The following KCNQ5 variants were observed in gnomAD, a reference collection of about 807,000 sequenced individuals.
KCNQ5 encodes potassium voltage-gated channel subfamily Q member 5.
KCNQ5 carries 30 observed loss-of-function variants against 98.2 expected under a neutral mutation model. That is an observed-to-expected ratio of 0.31 (90% CI 0.23 to 0.41). KCNQ5 has a LOEUF of 0.41. KCNQ5 is among the 10% of genes least tolerant of loss of function. KCNQ5 has a pLI of 1.00. For missense variants in KCNQ5, 835 were observed against 1,182.5 expected (o/e 0.71, Z 4.31); for synonymous variants, 458 against 449.4 (o/e 1.02, Z -0.24).
intron 1 of KCNQ5, among the ~76,000 whole-genome samples, chr6:72,840,466 A>G (rs1175614506): frequency 6.6e-6 from 1 of 152,142 alleles, no homozygotes; most frequent in Non-Finnish European, 1.5e-5. Flanking sequence ...GAAGTTCCCC[A>G]GCTCACTCTC....
intron 3 of KCNQ5, among the ~76,000 whole-genome samples, chr6:73,044,601 A>C (rs1397878972): frequency 2.0e-5 from 3 of 152,240 alleles, no homozygotes; most frequent in African/African-American, 7.2e-5. Flanking sequence ...GGAATCAAAC[A>C]TCACCTTCCT....
intron 1 of KCNQ5, among the ~76,000 whole-genome samples, chr6:72,783,348 C>T (rs4315976): frequency 6.6e-6 from 1 of 152,078 alleles, no homozygotes; most frequent in East Asian, 1.9e-4. Flanking sequence ...CCTACATTTG[C>T]GTGTATATAC....
At chr6:73,191,693 T>C (rs1228912884) in intron 12 of KCNQ5, among the ~76,000 whole-genome samples, 3 of 152,130 alleles carry the variant, frequency 2.0e-5, no homozygotes, top group Non-Finnish European at 4.4e-5. Context: ...AGCAGGTAAT[T>C]ATTGAGCCCA....
intron 1 of KCNQ5, among the ~76,000 whole-genome samples, chr6:72,698,485 G>T (rs778649457): frequency 9.9e-5 from 15 of 152,094 alleles, no homozygotes; most frequent in African/African-American, 3.6e-4. Context: ...TTACAGGTGT[G>T]AGCCACCGCA....
chr6:73,157,458 C>T, intron 10 of KCNQ5: 1 of 682,510 alleles, frequency 1.5e-6, no homozygotes, highest in Non-Finnish European at 2.7e-6. Context: ...GCTCAGGGCG[C>T]CTGTCCCGGC....
At chr6:72,818,660 T>C (rs902313599) in intron 1 of KCNQ5, among the ~76,000 whole-genome samples, 7 of 151,538 alleles carry the variant, frequency 4.6e-5, no homozygotes, top group Non-Finnish European at 8.8e-5. Flanking sequence ...TTATTAACCC[T>C]TGTGTTAACA....
intron 1 of KCNQ5, among the ~76,000 whole-genome samples, chr6:72,912,366 T>C (rs926653178): frequency 1.7e-4 from 26 of 152,224 alleles, no homozygotes; most frequent in African/African-American, 6.3e-4. Flanking sequence ...CACTAGAGAA[T>C]AAAGCTTTTC....
At chr6:73,025,623 C>CAAAAAAAAAAAAAAAAAAAAAAA (rs58607159) in intron 2 of KCNQ5, among the ~76,000 whole-genome samples, 21 of 53,012 alleles carry the variant, frequency 4.0e-4, no homozygotes, top group Middle Eastern at 9.6e-3. Context: ...AACTCCATCT[C>CAAAAAAAAAAAAAAAAAAAAAAA]AAAAAAAAAA....
chr6:72,925,134 A>G (rs910505405), intron 1 of KCNQ5, among the ~76,000 whole-genome samples: 7 of 152,188 alleles, frequency 4.6e-5, no homozygotes, highest in Non-Finnish European at 7.3e-5. Flanking sequence ...AATAAAGGGA[A>G]TAATTGAGTG....
intron 1 of KCNQ5, among the ~76,000 whole-genome samples, chr6:72,919,874 A>G (rs1780315065): frequency 6.6e-6 from 1 of 152,074 alleles, no homozygotes; most frequent in African/African-American, 2.4e-5. Flanking sequence ...AATTTACTCC[A>G]CTTAGAGTTT....
At chr6:72,718,586 G>T (rs1407688480) in intron 1 of KCNQ5, among the ~76,000 whole-genome samples, 1 of 151,540 alleles carries the variant, frequency 6.6e-6, no homozygotes, top group African/African-American at 2.4e-5. Context: ...GAGTAGCTGG[G>T]ACTACAGGTA....
intron 1 of KCNQ5, among the ~76,000 whole-genome samples, chr6:72,947,817 G>A (rs746134072): frequency 2.0e-5 from 3 of 152,050 alleles, no homozygotes; most frequent in Non-Finnish European, 4.4e-5. Flanking sequence ...TATCTATTTG[G>A]AAAGTTATAC....
intron 1 of KCNQ5, among the ~76,000 whole-genome samples, chr6:72,646,787 A>G (rs556640182): frequency 6.6e-6 from 1 of 152,228 alleles, no homozygotes; most frequent in Non-Finnish European, 1.5e-5. Context: ...CATCTCATTT[A>G]CAAATCACCA....
chr6:72,838,553 A>G (rs1776618068), intron 1 of KCNQ5, among the ~76,000 whole-genome samples: 1 of 152,238 alleles, frequency 6.6e-6, no homozygotes, highest in Non-Finnish European at 1.5e-5. Flanking sequence ...TAAAATAGTT[A>G]CAGACCACAA....
intron 11 of KCNQ5, among the ~76,000 whole-genome samples, chr6:73,172,115 A>G (rs1212399638): frequency 6.6e-6 from 1 of 152,148 alleles, no homozygotes. Context: ...CTTATTTTTA[A>G]TGGAACTTTA....
chr6:72,798,384 G>T (rs1289119157), intron 1 of KCNQ5, among the ~76,000 whole-genome samples: 1 of 152,170 alleles, frequency 6.6e-6, no homozygotes, highest in Non-Finnish European at 1.5e-5. Context: ...AGTCATGAAG[G>T]CTCTGCTCTT....
In KCNQ5 at chr6:73,194,703, G is replaced by A. The variant is rs778606067; in HGVS notation, c.2088G>A (p.Glu696=). The change falls in exon 14 of 14, where the codon GAG becomes GAA. Residue 696 remains glutamate, a synonymous_variant. Transcript: ENST00000370398. ...TGCAGTTCATTCTGACGCCAAATGA[G>A]TTCAGTGCCCAGACTTTCTACGCGC... ...RGLQFILTPN[E]FSAQTFYALS... is the part of the protein sequence containing the mutation. The A allele has an allele frequency of 6.2e-6, 10 of 1,614,252 alleles. No homozygotes were observed. Among genetic ancestry groups the A allele is most frequent in the Non-Finnish European group, 6.8e-6 (8 of 1,180,050 alleles).
intron 1 of KCNQ5, among the ~76,000 whole-genome samples, chr6:72,797,061 A>C (rs2154478451): frequency 6.6e-6 from 1 of 152,360 alleles, no homozygotes; most frequent in East Asian, 1.9e-4. Flanking sequence ...GGACAATCGA[A>C]TTACTATGAC....
intron 1 of KCNQ5, among the ~76,000 whole-genome samples, chr6:72,787,169 G>T (rs1022486409): frequency 2.6e-5 from 4 of 152,076 alleles, no homozygotes; most frequent in African/African-American, 9.7e-5. Flanking sequence ...ATTCACAGTG[G>T]TTTTTGCATT....
Sources: allele counts gnomAD v4.1 joint callset (sites outside exome capture counted in the v4.1 genomes callset), GRCh38; gene constraint gnomAD v4.1.1; transcripts MANE v1.5; gene names NCBI Gene and HGNC (gene_info 2026-07-23, HGNC 2026-07-21).